KLHL1: variants seen among roughly 807,000 people sequenced by gnomAD.
The protein encoded by KLHL1 is kelch like family member 1.
A neutral mutation model predicts 77.7 loss-of-function variants in KLHL1; 47 were observed. That is an observed-to-expected ratio of 0.60 (90% CI 0.48 to 0.77). The LOEUF (loss-of-function observed/expected upper bound fraction) is 0.77, where lower values mean the gene tolerates loss of function less well. Among genes scored for constraint, KLHL1 ranks in the 30% least tolerant of loss-of-function variants. The probability of loss-of-function intolerance (pLI) is 0.00; values close to 1 mark genes in which losing one functional copy is unlikely to be tolerated. For missense variants in KLHL1, 925 were observed against 910.8 expected (o/e 1.02, Z -0.20); for synonymous variants, 360 against 325.2 (o/e 1.11, Z -1.15).
intron 4 of KLHL1, among the ~76,000 whole-genome samples, chr13:69,939,609 C>T (rs1883302612): frequency 6.6e-6 from 1 of 151,768 alleles, no homozygotes; most frequent in African/African-American, 2.4e-5. Context: ...TTATTAATAT[C>T]TATCAATATG....
At chr13:69,756,964 CAAAA>C (rs559599323) in intron 7 of KLHL1, among the ~76,000 whole-genome samples, 4 of 151,760 alleles carry the variant, frequency 2.6e-5, no homozygotes, top group South Asian at 2.1e-4. Flanking sequence ...AACAAACAAA[CAAAA>C]AAAACTCCAG....
In KLHL1 at chr13:70,027,652, G is replaced by GTTTTTTTTTTT. The variant is rs10667717; in HGVS notation, c.498-51861_498-51851dup. Among the ~76,000 whole-genome samples, 43 of 135,830 alleles carry GTTTTTTTTTTT rather than the reference G, an allele frequency of 3.2e-4. 3 individuals carry two copies. Among genetic ancestry groups the GTTTTTTTTTTT allele is most frequent in the East Asian group, 8.8e-4 (4 of 4,534 alleles). 89.1% of individuals were successfully genotyped at this position (135,830 alleles called of 152,430 possible). On this transcript the variant is annotated intron_variant, in intron 1 of 10. Transcript: ENST00000377844. ...ATTTTTGAAGCGCAAAATGTAAGTT[G>GTTTTTTTTTTT]TTTTTTTTTTTTTATGAACTGAACA...
intron 1 of KLHL1, among the ~76,000 whole-genome samples, chr13:70,066,189 A>G (rs777672129): frequency 3.9e-5 from 6 of 152,312 alleles, no homozygotes; most frequent in Non-Finnish European, 8.8e-5. Flanking sequence ...ATTTACACTC[A>G]TGCTTCGAGT....
At chr13:69,920,742 G>A (rs976078858) in intron 4 of KLHL1, among the ~76,000 whole-genome samples, 3 of 152,026 alleles carry the variant, frequency 2.0e-5, no homozygotes, top group East Asian at 1.9e-4. Flanking sequence ...GTTCAAAGAA[G>A]TTTTCCATTC....
At chr13:70,027,424 T>C (rs1453653181) in intron 1 of KLHL1, among the ~76,000 whole-genome samples, 1 of 151,946 alleles carries the variant, frequency 6.6e-6, no homozygotes, top group African/African-American at 2.4e-5. Flanking sequence ...CAACACAGCT[T>C]ACCTTTCTTC....
chr13:69,830,731 G>T (rs1878728734), intron 6 of KLHL1, among the ~76,000 whole-genome samples: 2 of 149,910 alleles, frequency 1.3e-5, no homozygotes, highest in African/African-American at 5.0e-5. Flanking sequence ...TAAGAAAACT[G>T]AAATTATATC....
intron 1 of KLHL1, among the ~76,000 whole-genome samples, chr13:70,071,501 T>C (rs1887136159): frequency 6.6e-6 from 1 of 151,934 alleles, no homozygotes; most frequent in Non-Finnish European, 1.5e-5. Context: ...CTAACAGACA[T>C]TTGTAGAACA....
At chr13:69,805,844 T>C (rs1877595031) in intron 6 of KLHL1, among the ~76,000 whole-genome samples, 2 of 151,540 alleles carry the variant, frequency 1.3e-5, no homozygotes, top group Non-Finnish European at 2.9e-5. Context: ...ATGATATTTG[T>C]ACAAGGAATT....
intron 4 of KLHL1, among the ~76,000 whole-genome samples, chr13:69,914,773 T>C (rs1882364924): frequency 6.6e-6 from 1 of 152,186 alleles, no homozygotes; most frequent in African/African-American, 2.4e-5. Flanking sequence ...TCTACAATCC[T>C]TTCCTAGAAT....
rs183047697 is a variant in KLHL1 at position 69,990,529 on chromosome 13, A to G, written c.498-14727T>C. Among the ~76,000 whole-genome samples the G allele has an allele frequency of 1.4e-3, 218 of 152,108 alleles. 3 individuals are homozygous for G. The highest frequency in any genetic ancestry group is 2.4e-3 in the Non-Finnish European group (163 of 67,914). On this transcript the variant is annotated intron_variant, in intron 1 of 10. Transcript: ENST00000377844. ...AAGCAGGAGCTGTAATCCTAATTTC[A>G]AGCACAAAAGACTTTAAACCAACAA... is the stretch of plus-strand genomic sequence containing the variant.
chr13:69,810,336 G>A (rs371432432), intron 6 of KLHL1, among the ~76,000 whole-genome samples: 107 of 152,110 alleles, frequency 7.0e-4, no homozygotes, highest in African/African-American at 2.4e-3. Flanking sequence ...ATTATATGAA[G>A]CATCTCCTTG....
chr13:70,007,940 C>A (rs1885443780), intron 1 of KLHL1, among the ~76,000 whole-genome samples: 1 of 151,656 alleles, frequency 6.6e-6, no homozygotes, highest in Admixed American at 6.6e-5. Context: ...AAAGCAGCCC[C>A]AAAAATGCCA....
chr13:70,002,396 G>A (rs1885314782), intron 1 of KLHL1, among the ~76,000 whole-genome samples: 1 of 151,136 alleles, frequency 6.6e-6, no homozygotes, highest in African/African-American at 2.4e-5. Flanking sequence ...CAGAAGTAAG[G>A]GCCAGGAAAA....
intron 1 of KLHL1, among the ~76,000 whole-genome samples, chr13:70,014,001 G>T (rs568307295): frequency 6.6e-6 from 1 of 152,092 alleles, no homozygotes; most frequent in Non-Finnish European, 1.5e-5. Flanking sequence ...TAATAAAAGC[G>T]TTGCTGGAAA....
intron 2 of KLHL1, among the ~76,000 whole-genome samples, chr13:69,974,309 A>G (rs1884480810): frequency 6.6e-6 from 1 of 151,320 alleles, no homozygotes; most frequent in East Asian, 1.9e-4. Context: ...TATAAAGGTA[A>G]TACATTGCTC....
chr13:70,061,446 G>T (rs1248833287), intron 1 of KLHL1, among the ~76,000 whole-genome samples: 8 of 151,824 alleles, frequency 5.3e-5, no homozygotes, highest in Non-Finnish European at 1.0e-4. Context: ...TACATAAACA[G>T]TATATTAATC....
chr13:69,913,382 C>A (rs2138248074), intron 4 of KLHL1, among the ~76,000 whole-genome samples: 1 of 152,314 alleles, frequency 6.6e-6, no homozygotes, highest in South Asian at 2.1e-4. Flanking sequence ...CTACCATGGC[C>A]ACTGCTCCTT....
intron 7 of KLHL1, among the ~76,000 whole-genome samples, chr13:69,796,300 A>C (rs951150967): frequency 6.6e-6 from 1 of 152,154 alleles, no homozygotes; most frequent in Non-Finnish European, 1.5e-5. Flanking sequence ...TCATGTTGAA[A>C]TTTGATCTCC....
intron 6 of KLHL1, among the ~76,000 whole-genome samples, chr13:69,806,855 C>A (rs888652426): frequency 3.3e-5 from 5 of 152,092 alleles, no homozygotes; most frequent in African/African-American, 1.2e-4. Context: ...TGCAATGATC[C>A]AAGGAGGAAC....
Sources: gnomAD v4.1 joint callset for allele counts (sites outside exome capture counted in the v4.1 genomes callset) on GRCh38, gnomAD v4.1.1 for gene constraint, MANE v1.5 for transcripts, NCBI Gene and HGNC (gene_info 2026-07-23, HGNC 2026-07-21) for gene names.